The following ABCA2 variants were observed in gnomAD, a reference collection of about 807,000 sequenced individuals.
ABCA2 encodes ATP-binding cassette sub-family A member 2.
In ABCA2, 84 loss-of-function variants were observed where a neutral mutation model predicts 262.8. The ratio of observed to expected loss-of-function variants is 0.32; its 90% confidence interval spans 0.27 to 0.38. The LOEUF is 0.38. Among genes scored for constraint, ABCA2 ranks in the 10% least tolerant of loss-of-function variants. The pLI is 1.00. For synonymous variants in ABCA2, 1,696 were observed against 1,502.9 expected (o/e 1.13, Z -2.97); for missense variants, 2,662 against 3,405.9 (o/e 0.78, Z 5.44).
At chr9:137,025,924 A>G (rs1298853055) in intron 1 of ABCA2, among the ~76,000 whole-genome samples, 1 of 152,132 alleles carries the variant, frequency 6.6e-6, no homozygotes, top group African/African-American at 2.4e-5. Flanking sequence ...GGTGCCCCAC[A>G]CAGGTGCCTC....
At position 137,015,101 on chromosome 9, in the gene ABCA2, T is replaced by G. The variant is rs747605618; in HGVS notation, c.3698-4A>C. On this transcript the variant is annotated splice_region_variant and splice_polypyrimidine_tract_variant and intron_variant, in intron 24 of 48. Coordinates refer to ENST00000341511, the MANE Select transcript of ABCA2 (RefSeq NM_001606.5). The stretch of plus-strand genomic sequence containing the variant: ...GGGCTGGATGCCAGCCCTGGCTCTG[T>G]GGGGGACGTGGGAGCAGGAAGGAAT... 46 of 1,568,824 alleles carry G rather than the reference T, an allele frequency of 2.9e-5. No individual in the cohort carries two copies. The South Asian group carries it at 5.3e-4, about 18-fold the overall frequency.
Position 137,019,112 on chromosome 9 carries a change from C to G in ABCA2, c.1555-42G>C. The G allele has an allele frequency of 6.2e-7, 1 of 1,601,460 alleles. No individual in the cohort carries two copies. The highest frequency in any genetic ancestry group is 8.5e-7 in the Non-Finnish European group (1 of 1,172,160). Reference sequence around the variant, plus strand: ...GGCTCAGAGGGGGACCTGCGCCTGCCGAGCCGGGCAGAGAGGGGCTCCCCA... The same window carrying G: ...GGCTCAGAGGGGGACCTGCGCCTGCGGAGCCGGGCAGAGAGGGGCTCCCCA... On this transcript the variant is annotated intron_variant, in intron 11 of 48. Coordinates refer to ENST00000341511, the MANE Select transcript of ABCA2 (RefSeq NM_001606.5). This position sits in a 1 kb window ranked among gnomAD's most constrained non-coding sequence, Gnocchi z 4.4.
chr9:137,007,939 G>A lies in ABCA2; in HGVS notation c.7301C>T (p.Thr2434Met), dbSNP rs1173334061. The A allele has an allele frequency of 5.6e-6, 9 of 1,605,796 alleles. No homozygotes were observed. The highest frequency in any genetic ancestry group is 1.1e-5 in the South Asian group (1 of 91,028). Residue 2434 changes from threonine to methionine, a missense_variant, in exon 49 of 49, where the codon ACG becomes ATG. Physicochemically the swap from Thr to Met is moderately conservative, Grantham distance 81. Coordinates refer to ENST00000341511, the MANE Select transcript of ABCA2 (RefSeq NM_001606.5). ...ERAQLSFNTD[T>M]LC is the part of the protein sequence containing the mutation. Reference sequence around the variant, plus strand: ...CCCAGCTCTGGGTGGTCAGCAGAGCGTGTCCGTGTTGAAGGACAGCTGGGC... The same window carrying A: ...CCCAGCTCTGGGTGGTCAGCAGAGCATGTCCGTGTTGAAGGACAGCTGGGC...
intron 48 of ABCA2, 78 bp downstream of exon 48, chr9:137,008,338 C>T: frequency 1.3e-6 from 2 of 1,506,356 alleles, no homozygotes; most frequent in Non-Finnish European, 9.0e-7. Flanking sequence ...TCCCCCGACC[C>T]CACCCGCGGC....
intron 2 of ABCA2, 130 bp from the exon 3 acceptor site, chr9:137,023,970 C>T (rs1422737934): frequency 1.3e-6 from 2 of 1,532,364 alleles, no homozygotes; most frequent in Non-Finnish European, 1.8e-6. Context: ...ACAGGCCAGC[C>T]CCGACCTCCA....
chr9:137,012,983 AG>A lies in ABCA2; in HGVS notation c.4867+18del, dbSNP rs997059904. 15 of 1,481,082 alleles carry A rather than the reference AG, an allele frequency of 1.0e-5. No individual in the cohort carries two copies. In the African/African-American group the frequency reaches 1.5e-4, roughly 15 times the overall value. 91.7% of individuals were successfully genotyped at this position (1,481,082 alleles called of 1,614,324 possible). ...CCCTCACTGCCCCTGCCCCCCCAGC[AG>A]GCCCCCTGAACCACTACCTGGCCCA... On this transcript the variant is annotated intron_variant, in intron 30 of 48. Coordinates refer to ENST00000341511, the MANE Select transcript of ABCA2 (RefSeq NM_001606.5).
rs45540434 is a variant in ABCA2, at chr9:137,012,234, G to A, written c.5299+31C>T. 0.58 allele frequency: 627,466 copies of A among 1,073,792 alleles called. 126,858 individuals are homozygous for A. Among genetic ancestry groups the A allele is most frequent in the East Asian group, 0.64 (21,952 of 34,144 alleles). The allele number at this position is 1,073,792 out of a possible 1,614,324, so 66.5% of individuals were successfully genotyped here. ...CCCGCCCCGGCCCCAGCTCCTCCCCGCCCCGCCCCGCCCTGCCTATGTCAG... is the reference window on the plus strand; with the variant it reads ...CCCGCCCCGGCCCCAGCTCCTCCCCACCCCGCCCCGCCCTGCCTATGTCAG... On this transcript the variant is annotated intron_variant, in intron 33 of 48. Coordinates refer to ENST00000341511, the MANE Select transcript of ABCA2 (RefSeq NM_001606.5).
chr9:137,015,132 C>A (rs1554736169), intron 24 of ABCA2, 35 bp from the exon 25 acceptor site: 1 of 1,542,958 alleles, frequency 6.5e-7, no homozygotes, highest in South Asian at 1.2e-5. Context: ...GGAATTCACT[C>A]AGGGGCTGGG....
chr9:137,022,368 G>GGGC lies in ABCA2; in HGVS notation c.547_549dup (p.Ala183dup). 1.2e-6 allele frequency: 2 copies of GGGC among 1,609,074 alleles called. No individual in the cohort carries two copies. Among genetic ancestry groups the GGGC allele is most frequent in the Non-Finnish European group, 1.7e-6 (2 of 1,178,420 alleles). ...TGCCTTACCTCGGGCGGGTCCACAC[G>GGGC]GGCGGCCAAGAGTGCTTGGGCCGTG... On this transcript the variant is annotated inframe_insertion, in exon 6 of 49. Transcript: ENST00000341511.
At chr9:137,023,763 C>G (rs1831558594) in intron 3 of ABCA2, 75 bp downstream of exon 3, 2 of 720,976 alleles carry the variant, frequency 2.8e-6, no homozygotes, top group Admixed American at 2.0e-5. Context: ...GGGGAGGGCG[C>G]TCAAGCCAGG....
chr9:137,021,777 CT>C lies in ABCA2; in HGVS notation c.678+113del. The C allele has an allele frequency of 7.9e-7, 1 of 1,264,324 alleles. No homozygotes were observed. Among genetic ancestry groups the C allele is most frequent in the Non-Finnish European group, 1.1e-6 (1 of 897,816 alleles). 78.3% of individuals were successfully genotyped at this position (1,264,324 alleles called of 1,614,324 possible). On this transcript the variant is annotated intron_variant, in intron 7 of 48. Transcript: ENST00000341511. This position sits in a 1 kb window ranked among gnomAD's most constrained non-coding sequence, Gnocchi z 6.0. Reference sequence around the variant, plus strand: ...GCCATAGACCCCTGGGACCCTCCCCCTCTCCCAGGAGGAGCTCCAAGTCACC... The same window carrying C: ...GCCATAGACCCCTGGGACCCTCCCCCCTCCCAGGAGGAGCTCCAAGTCACC...
At chr9:137,028,314 C>T (rs1831733196), upstream of ABCA2, 2 of 957,244 alleles carry the variant, frequency 2.1e-6, no homozygotes, top group Non-Finnish European at 2.5e-6. The surrounding 1 kb of genome is among the most constrained non-coding windows in gnomAD (Gnocchi z 6.9). Context: ...AGCGACTCTG[C>T]CCGCGCCCCG....
rs7849048 is a variant in ABCA2 at position 137,020,251 on chromosome 9, G to T, written c.1425+85C>A. 9 of 1,576,056 alleles carry T rather than the reference G, an allele frequency of 5.7e-6. No homozygotes were observed. In the East Asian group the frequency reaches 1.6e-4, roughly 28 times the overall value. ...GTACCCCTCCCGTGTCAATTCTGCC[G>T]ACACCCTCTGCCCAGGGGTCCCAGG... On this transcript the variant is annotated intron_variant, in intron 10 of 48. Coordinates refer to ENST00000341511, the MANE Select transcript of ABCA2 (RefSeq NM_001606.5).
At position 137,016,701 on chromosome 9, in the gene ABCA2, C is replaced by T. The variant is rs2131450051; in HGVS notation, c.2796G>A (p.Leu932=). 1 of 1,580,784 alleles carries T rather than the reference C, an allele frequency of 6.3e-7. No homozygotes were observed. Among genetic ancestry groups the T allele is most frequent in the Non-Finnish European group, 8.6e-7 (1 of 1,163,792 alleles). Residue 932 remains leucine, a synonymous_variant, in exon 20 of 49, where the codon CTG becomes CTA. Transcript: ENST00000341511. ...YGLPRPWYFP[L]QKSYWLGSGR... Reference sequence around the variant, plus strand: ...CACTGCCCAGCCAGTAGGACTTCTGCAGTGGGAAGTACCAGGGCCGGGGCA... The same window carrying T: ...CACTGCCCAGCCAGTAGGACTTCTGTAGTGGGAAGTACCAGGGCCGGGGCA...
In ABCA2 at chr9:137,015,820, T is replaced by G. The variant is rs759873540; in HGVS notation, c.3369A>C (p.Thr1123=). The change falls in exon 23 of 49, where the codon ACA becomes ACC. Residue 1123 remains threonine, a synonymous_variant. Coordinates refer to ENST00000341511, the MANE Select transcript of ABCA2 (RefSeq NM_001606.5). The part of the protein sequence containing the change: ...LSNKRHSLVQ[T]LSGGMKRKLS... ...GCTTGCGCTTCATGCCACCCGACAA[T>G]GTCTGCACCAGTGAGTGCCGTTTGT... 6.2e-7 allele frequency: 1 copy of G among 1,612,136 alleles called. No homozygotes were observed. The highest frequency in any genetic ancestry group is 8.5e-7 in the Non-Finnish European group (1 of 1,179,664).
At position 137,008,794 on chromosome 9, in the gene ABCA2, C is replaced by T. The variant is rs1830923803; in HGVS notation, c.7005G>A (p.Met2335Ile). ...TGCCCAGCACGCCAGACACCTGCTCCATCTTGCTGAACACCTGGGCCAGCG... is the reference window on the plus strand; with the variant it reads ...TGCCCAGCACGCCAGACACCTGCTCTATCTTGCTGAACACCTGGGCCAGCG... ...HISLAQVFSK[M>I]EQVSGVLGIE... The change falls in exon 47 of 49, where the codon ATG becomes ATA. Residue 2335 changes from methionine (M) to isoleucine (I), a missense_variant. Transcript: ENST00000341511. 1 of 1,603,840 alleles carries T rather than the reference C, an allele frequency of 6.2e-7. No individual in the cohort carries two copies. The highest frequency in any genetic ancestry group is 8.5e-7 in the Non-Finnish European group (1 of 1,177,846).
In ABCA2 at chr9:137,015,790, G is replaced by C; in HGVS notation, c.3399C>G (p.Ser1133=). ...AGCCGCCCACGAAGGCGATGGCCACGGACAGCTTGCGCTTCATGCCACCCG... is the reference window on the plus strand; with the variant it reads ...AGCCGCCCACGAAGGCGATGGCCACCGACAGCTTGCGCTTCATGCCACCCG... ...TLSGGMKRKL[S]VAIAFVGGSR... Residue 1133 remains serine (S), a synonymous_variant, in exon 23 of 49, where the codon TCC becomes TCG. Transcript: ENST00000341511. The C allele has an allele frequency of 4.3e-6, 7 of 1,612,430 alleles. No homozygotes were observed. Among genetic ancestry groups the C allele is most frequent in the Non-Finnish European group, 5.9e-6 (7 of 1,179,828 alleles).
At chr9:137,025,395 G>A (rs991843077) in intron 1 of ABCA2, among the ~76,000 whole-genome samples, 12 of 152,332 alleles carry the variant, frequency 7.9e-5, no homozygotes, top group South Asian at 6.2e-4. Flanking sequence ...GCCCGAGGGC[G>A]AGCACCCAGC....
In ABCA2 at chr9:137,014,895, A is replaced by G. The variant is rs1483123461; in HGVS notation, c.3882+18T>C. Reference sequence around the variant, plus strand: ...CTCCACCACCTGCAACTGCCCCCCGACCCGTGCGCCCTCACACCTGGAAGA... The same window carrying G: ...CTCCACCACCTGCAACTGCCCCCCGGCCCGTGCGCCCTCACACCTGGAAGA... On this transcript the variant is annotated intron_variant, in intron 25 of 48. Transcript: ENST00000341511. The G allele has an allele frequency of 6.3e-7, 1 of 1,578,648 alleles. No individual in the cohort carries two copies. The highest frequency in any genetic ancestry group is 8.6e-7 in the Non-Finnish European group (1 of 1,159,976).
Sources: gnomAD v4.1 joint callset for allele counts (sites outside exome capture counted in the v4.1 genomes callset) on GRCh38, gnomAD v4.1.1 for gene constraint, Gnocchi (gnomAD v3.1) non-coding constraint, MANE v1.5 for transcripts, NCBI Gene and HGNC (gene_info 2026-07-23, HGNC 2026-07-21) for gene names.